Variants in UNC13B observed in about 807,000 individuals in gnomAD.
UNC13B encodes the protein unc-13 homolog B, also known as protein unc-13 homolog B.
UNC13B carries 144 observed loss-of-function variants against 211.0 expected under a neutral mutation model. The ratio of observed to expected loss-of-function variants is 0.68; its 90% confidence interval spans 0.60 to 0.78. The LOEUF is 0.78. Ranked by LOEUF, UNC13B falls within the 30% of genes least tolerant of loss-of-function variation. The probability of loss-of-function intolerance (pLI) is 0.00; values close to 1 mark genes in which losing one functional copy is unlikely to be tolerated. For synonymous variants in UNC13B, 709 were observed against 725.8 expected (o/e 0.98, Z 0.37); for missense variants, 1,777 against 2,002.0 (o/e 0.89, Z 2.14).
chr9:35,253,802 G>T (rs1326442171), intron 6 of UNC13B, among the ~76,000 whole-genome samples: 8 of 152,166 alleles, frequency 5.3e-5, no homozygotes, highest in Non-Finnish European at 8.8e-5. Flanking sequence ...GTATTTGACA[G>T]AGTCTCTGGG....
chr9:35,248,837 T>C (rs1826268114), intron 6 of UNC13B, among the ~76,000 whole-genome samples: 1 of 152,190 alleles, frequency 6.6e-6, no homozygotes, highest in Non-Finnish European at 1.5e-5. Flanking sequence ...ATTCTGTTGA[T>C]TTGGGGTGGA....
intron 1 of UNC13B, among the ~76,000 whole-genome samples, chr9:35,213,245 G>T (rs943827311): frequency 6.6e-6 from 1 of 152,150 alleles, no homozygotes; most frequent in Non-Finnish European, 1.5e-5. Flanking sequence ...TTTAGATAAG[G>T]TCATGAGGGT....
chr9:35,396,796 T>C (rs41276041), intron 27 of UNC13B, 45 bp from the exon 28 acceptor site: 1 of 1,611,698 alleles, frequency 6.2e-7, no homozygotes, highest in Non-Finnish European at 8.5e-7. Context: ...AGTGGCGTAT[T>C]CCCACCGCTA....
chr9:35,377,763 T>G (rs1834528197), intron 16 of UNC13B, 68 bp downstream of exon 16: 1 of 1,505,874 alleles, frequency 6.6e-7, no homozygotes, highest in Admixed American at 1.9e-5. Flanking sequence ...GGAAGAAACA[T>G]CCTGAGCGTG....
chr9:35,300,959 G>C lies in UNC13B; in HGVS notation c.1555G>C (p.Asp519His). The change falls in exon 9 of 40, where the codon GAC (aspartate) becomes CAC (histidine). Residue 519 changes from aspartate (D) to histidine (H), a missense_variant. Transcript: ENST00000635942. ...ACCACCTTTAACTATTGTCAAGAAT[G>C]ACAAGGACACGGCCATCTCTTTCCC... ...QIPPLTIVKNDKDTAISFPEL... is the reference protein window; with the variant it reads ...QIPPLTIVKNHKDTAISFPEL... 1 of 398,948 alleles carries C rather than the reference G, an allele frequency of 2.5e-6. No individual in the cohort carries two copies. 24.7% of individuals were successfully genotyped at this position (398,948 alleles called of 1,614,324 possible).
intron 1 of UNC13B, 111 bp downstream of exon 1, chr9:35,162,416 T>G: frequency 7.5e-7 from 1 of 1,330,620 alleles, no homozygotes; most frequent in South Asian, 1.5e-5. Flanking sequence ...CCGTCCGTGC[T>G]TTGGGGGTCT....
Position 35,403,483 on chromosome 9 carries a change from C to G in UNC13B, c.12621C>G (p.Phe4207Leu). ...TCAAGTGGCAGACAGCGGGTATGTT[C>G]CGGCCTTTCGTGGAGGTGACTATGG... ...NDLKWQTAGM[F>L]RPFVEVTMVG... Residue 4207 changes from phenylalanine (F) to leucine (L), a missense_variant, in exon 39 of 40, where the codon TTC becomes TTG. By Grantham distance (22) the Phe-to-Leu change is conservative. Coordinates refer to ENST00000635942, the MANE Select transcript of UNC13B (RefSeq NM_001371189.2). The G allele has an allele frequency of 1.2e-6, 2 of 1,614,036 alleles. No homozygotes were observed. The highest frequency in any genetic ancestry group is 8.5e-7 in the Non-Finnish European group (1 of 1,180,008).
intron 6 of UNC13B, among the ~76,000 whole-genome samples, chr9:35,245,420 A>G (rs1826033235): frequency 6.6e-6 from 1 of 151,218 alleles, no homozygotes; most frequent in Non-Finnish European, 1.5e-5. Flanking sequence ...ACATATGTAT[A>G]CATGTGCCAT....
At chr9:35,217,132 C>T (rs1042757726) in intron 1 of UNC13B, among the ~76,000 whole-genome samples, 8 of 152,112 alleles carry the variant, frequency 5.3e-5, no homozygotes, top group Non-Finnish European at 7.3e-5. Context: ...TGATAAATAG[C>T]ACAGAACTAC....
At chr9:35,176,625 A>G (rs1007124012) in intron 1 of UNC13B, among the ~76,000 whole-genome samples, 16 of 152,316 alleles carry the variant, frequency 1.1e-4, no homozygotes, top group Middle Eastern at 6.8e-3. Context: ...ATGGTGAGGA[A>G]AAAACCCCTT....
At chr9:35,343,948 G>A (rs571832144) in intron 11 of UNC13B, among the ~76,000 whole-genome samples, 1 of 151,678 alleles carries the variant, frequency 6.6e-6, no homozygotes, top group East Asian at 1.9e-4. Flanking sequence ...TTGGCTATTG[G>A]GTTAGATAAA....
intron 24 of UNC13B, among the ~76,000 whole-genome samples, chr9:35,387,732 A>G (rs546752004): frequency 6.6e-6 from 1 of 152,184 alleles, no homozygotes; most frequent in Non-Finnish European, 1.5e-5. Context: ...TCATTGGTTT[A>G]TTCGTCCATT....
At chr9:35,252,010 T>TA (rs1165526353) in intron 6 of UNC13B, among the ~76,000 whole-genome samples, 2 of 152,190 alleles carry the variant, frequency 1.3e-5, no homozygotes, top group African/African-American at 4.8e-5. Context: ...ATCTTAGCTG[T>TA]AAAATCATTC....
chr9:35,226,571 G>A (rs562008714), intron 1 of UNC13B, among the ~76,000 whole-genome samples: 1 of 152,190 alleles, frequency 6.6e-6, no homozygotes, highest in Non-Finnish European at 1.5e-5. Context: ...TCAGTCTGTG[G>A]TCAAAGGCCC....
At chr9:35,259,992 A>G (rs1216221778) in intron 7 of UNC13B, among the ~76,000 whole-genome samples, 2 of 136,968 alleles carry the variant, frequency 1.5e-5, no homozygotes, top group South Asian at 2.4e-4. Flanking sequence ...TCTTGAGCCC[A>G]GGAGTCTGAG....
At position 35,320,792 on chromosome 9, in the gene UNC13B, A is replaced by C. The variant is rs185855912; in HGVS notation, c.9414+6803A>C. 7.9e-5 allele frequency among the ~76,000 whole-genome samples: 12 copies of C among 152,264 alleles called. No homozygotes were observed. In the East Asian group the frequency reaches 2.3e-3, roughly 29 times the overall value. Reference sequence around the variant, plus strand: ...ACTTCTTGTAAGATCCTTTAATGTCAGGCTAAGCTTTTTAAGGCTGATATT... The same window carrying C: ...ACTTCTTGTAAGATCCTTTAATGTCCGGCTAAGCTTTTTAAGGCTGATATT... On this transcript the variant is annotated intron_variant, in intron 11 of 39. Transcript: ENST00000635942.
rs765710171 is a variant in UNC13B, at chr9:35,403,945, G to A, written c.12935G>A (p.Arg4312Gln). The change falls in exon 40 of 40, where the codon CGG becomes CAG. Residue 4312 changes from arginine to glutamine, a missense_variant. Physicochemically the swap from Arg to Gln is conservative, Grantham distance 43 (BLOSUM62 1). Transcript: ENST00000635942. Reference sequence around the variant, plus strand: ...GATGAGACAGGCCTGACCATTCTCCGGATTTTATCTCAGAGGAGCAATGAC... The same window carrying A: ...GATGAGACAGGCCTGACCATTCTCCAGATTTTATCTCAGAGGAGCAATGAC... ...HMDETGLTIL[R>Q]ILSQRSNDEV... 4.6e-5 allele frequency: 74 copies of A among 1,613,958 alleles called. No individual in the cohort carries two copies. Among genetic ancestry groups the A allele is most frequent in the Non-Finnish European group, 5.7e-5 (67 of 1,180,028 alleles).
intron 1 of UNC13B, among the ~76,000 whole-genome samples, chr9:35,184,964 A>G (rs1433309651): frequency 6.6e-6 from 1 of 152,178 alleles, no homozygotes; most frequent in African/African-American, 2.4e-5. Flanking sequence ...TCTTCAAAAC[A>G]ATAAAATATT....
chr9:35,384,702 T>C (rs1316367654), intron 22 of UNC13B: 1 of 985,210 alleles, frequency 1.0e-6, no homozygotes, highest in African/African-American at 1.7e-5. Flanking sequence ...CCAGCGGAGG[T>C]GTGAGAATCT....
Sources: gnomAD v4.1 joint callset for allele counts (sites outside exome capture counted in the v4.1 genomes callset) on GRCh38, gnomAD v4.1.1 for gene constraint, MANE v1.5 for transcripts, NCBI Gene and HGNC (gene_info 2026-07-23, HGNC 2026-07-21) for gene names.